The following CLASP1 variants were observed in gnomAD, a reference collection of about 807,000 sequenced individuals.
CLASP1 encodes cytoplasmic linker associated protein 1, also known as CLIP-associating protein 1.
Under a neutral mutation model 192.3 loss-of-function variants are expected in CLASP1, and 38 were observed. The observed-to-expected ratio is 0.20, with a 90% CI of 0.15 to 0.26. CLASP1 has a LOEUF of 0.26. Among genes scored for constraint, CLASP1 ranks in the 10% least tolerant of loss-of-function variants. The probability of loss-of-function intolerance (pLI) is 1.00; values close to 1 mark genes in which losing one functional copy is unlikely to be tolerated. For synonymous variants in CLASP1, 691 were observed against 712.8 expected (o/e 0.97, Z 0.49); for missense variants, 1,433 against 1,932.5 (o/e 0.74, Z 4.85).
At chr2:121,374,079 C>T (rs2069396162) in intron 34 of CLASP1, among the ~76,000 whole-genome samples, 1 of 152,232 alleles carries the variant, frequency 6.6e-6, no homozygotes, top group South Asian at 2.1e-4. Flanking sequence ...CCATCACAGA[C>T]CTGGAGGCCT....
chr2:121,356,742 C>G (rs1396564418), intron 37 of CLASP1, among the ~76,000 whole-genome samples: 5 of 152,194 alleles, frequency 3.3e-5, no homozygotes, highest in Non-Finnish European at 5.9e-5. Flanking sequence ...TATGAAATGA[C>G]CTCTAACAAG....
chr2:121,547,737 C>G (rs923221854), intron 2 of CLASP1, among the ~76,000 whole-genome samples: 8 of 152,038 alleles, frequency 5.3e-5, no homozygotes, highest in South Asian at 4.1e-4. Flanking sequence ...TACGGGGGAG[C>G]CACACAACCA....
chr2:121,374,872 T>G (rs1208716682), intron 34 of CLASP1, among the ~76,000 whole-genome samples: 1 of 152,216 alleles, frequency 6.6e-6, no homozygotes, highest in East Asian at 1.9e-4. Context: ...TACAGGCTCA[T>G]AGGCGGAAGG....
At chr2:121,460,588 C>G (rs967931144) in intron 11 of CLASP1, among the ~76,000 whole-genome samples, 1 of 152,120 alleles carries the variant, frequency 6.6e-6, no homozygotes, top group Non-Finnish European at 1.5e-5. Flanking sequence ...ATTTGAAATA[C>G]AATATAATGG....
intron 2 of CLASP1, among the ~76,000 whole-genome samples, chr2:121,585,399 G>A (rs1019038061): frequency 6.6e-6 from 1 of 152,130 alleles, no homozygotes; most frequent in Non-Finnish European, 1.5e-5. Flanking sequence ...GATTTCAGAG[G>A]ATGTGCAGGT....
chr2:121,478,637 A>C (rs2091962939), intron 8 of CLASP1, among the ~76,000 whole-genome samples: 1 of 109,220 alleles, frequency 9.2e-6, no homozygotes. Context: ...ACATACACAC[A>C]CACACACCCC....
chr2:121,516,515 C>T (rs1298534708), intron 6 of CLASP1, among the ~76,000 whole-genome samples: 1 of 152,164 alleles, frequency 6.6e-6, no homozygotes, highest in Non-Finnish European at 1.5e-5. Flanking sequence ...CCGGTCTGGC[C>T]AGACCAGATC....
chr2:121,392,890 C>T (rs149723164), intron 30 of CLASP1, among the ~76,000 whole-genome samples: 2 of 152,054 alleles, frequency 1.3e-5, no homozygotes, highest in African/African-American at 2.4e-5. Flanking sequence ...TTCACCTTGC[C>T]CAAACCAGTC....
chr2:121,630,422 AC>A (rs1559818905), intron 1 of CLASP1, among the ~76,000 whole-genome samples: 1 of 140,820 alleles, frequency 7.1e-6, no homozygotes, highest in Non-Finnish European at 1.6e-5. Flanking sequence ...ACACACACAC[AC>A]ACGCAGAAGC....
chr2:121,431,909 G>A (rs1037400368), intron 19 of CLASP1, among the ~76,000 whole-genome samples: 1 of 152,012 alleles, frequency 6.6e-6, no homozygotes, highest in African/African-American at 2.4e-5. Flanking sequence ...TATCGATAAA[G>A]AACGGATATA....
intron 33 of CLASP1, among the ~76,000 whole-genome samples, chr2:121,379,949 C>T (rs1027464893): frequency 3.3e-5 from 5 of 152,288 alleles, no homozygotes; most frequent in African/African-American, 9.6e-5. Flanking sequence ...AATTCAGGAG[C>T]ACCATTTGCA....
At chr2:121,413,143 C>G (rs990363633) in intron 23 of CLASP1, among the ~76,000 whole-genome samples, 24 of 152,034 alleles carry the variant, frequency 1.6e-4, no homozygotes, top group African/African-American at 5.8e-4. Context: ...ACCTGTAGTC[C>G]CAGCTACTTG....
At chr2:121,372,517 C>T (rs1294373185) in intron 34 of CLASP1, among the ~76,000 whole-genome samples, 1 of 152,186 alleles carries the variant, frequency 6.6e-6, no homozygotes, top group Non-Finnish European at 1.5e-5. Context: ...TTGGATATTC[C>T]ATAATTCCTG....
intron 2 of CLASP1, among the ~76,000 whole-genome samples, chr2:121,537,970 T>C (rs1209080641): frequency 6.6e-6 from 1 of 152,208 alleles, no homozygotes; most frequent in Non-Finnish European, 1.5e-5. Context: ...ATAAAGGATA[T>C]ATTTTTTTCA....
intron 2 of CLASP1, chr2:121,531,034 C>CAGTTCAAACAGCAGT: frequency 1.4e-6 from 1 of 699,278 alleles, no homozygotes; most frequent in Non-Finnish European, 2.6e-6. Flanking sequence ...ATAGACTTAT[C>CAGTTCAAACAGCAGT]AGTTCAAACA....
At chr2:121,370,102 T>C (rs2068299215) in intron 34 of CLASP1, among the ~76,000 whole-genome samples, 1 of 152,226 alleles carries the variant, frequency 6.6e-6, no homozygotes, top group Non-Finnish European at 1.5e-5. Context: ...CTATGTTGAA[T>C]GTCTTCATTT....
intron 16 of CLASP1, 124 bp from the exon 17 acceptor site, chr2:121,449,244 CAGG>C: frequency 1.3e-6 from 1 of 742,382 alleles, no homozygotes; most frequent in Non-Finnish European, 2.1e-6. Context: ...CTAATAGTAG[CAGG>C]AGGAGAGGGT....
chr2:121,567,276 T>A (rs1232058023), intron 2 of CLASP1, among the ~76,000 whole-genome samples: 1 of 152,142 alleles, frequency 6.6e-6, no homozygotes, highest in African/African-American at 2.4e-5. Context: ...ATGCTCAGCA[T>A]ACAGACTGAA....
chr2:121,390,739 C>T (rs1198097162), intron 30 of CLASP1, among the ~76,000 whole-genome samples: 2 of 152,206 alleles, frequency 1.3e-5, no homozygotes, highest in Non-Finnish European at 2.9e-5. Flanking sequence ...CCTTCAGACT[C>T]TCATTAAAAA....
Sources: allele counts gnomAD v4.1 joint callset (sites outside exome capture counted in the v4.1 genomes callset), GRCh38; gene constraint gnomAD v4.1.1; transcripts MANE v1.5; gene names NCBI Gene and HGNC (gene_info 2026-07-23, HGNC 2026-07-21).